Variants in PRPF6 observed in about 807,000 individuals in gnomAD.
The protein encoded by PRPF6 is pre-mRNA processing factor 6.
PRPF6 carries 42 observed loss-of-function variants against 118.3 expected under a neutral mutation model. That is an observed-to-expected ratio of 0.35 (90% CI 0.28 to 0.46). The LOEUF (loss-of-function observed/expected upper bound fraction) is 0.46, where lower values mean the gene tolerates loss of function less well. Ranked by LOEUF, PRPF6 falls within the 20% of genes least tolerant of loss-of-function variation. The pLI is 1.00. For missense variants in PRPF6, 662 were observed against 1,255.7 expected (o/e 0.53, Z 7.15); for synonymous variants, 481 against 485.1 (o/e 0.99, Z 0.11).
chr20:63,986,294 G>A (rs1239598040), intron 3 of PRPF6, among the ~76,000 whole-genome samples: 1 of 144,118 alleles, frequency 6.9e-6, no homozygotes, highest in Non-Finnish European at 1.5e-5. Context: ...GCAGTGAGCC[G>A]AGGTCACAAC....
chr20:63,998,651 C>G (rs1266081951), intron 6 of PRPF6, among the ~76,000 whole-genome samples: 1 of 151,356 alleles, frequency 6.6e-6, no homozygotes, highest in Non-Finnish European at 1.5e-5. Context: ...ACCATCCTGG[C>G]TAACACGGTG....
chr20:64,030,887 G>A (rs2059311194), intron 19 of PRPF6, among the ~76,000 whole-genome samples: 1 of 152,206 alleles, frequency 6.6e-6, no homozygotes, highest in African/African-American at 2.4e-5. Context: ...GAGGCTCCTC[G>A]TGTTGTCTCT....
intron 3 of PRPF6, among the ~76,000 whole-genome samples, chr20:63,986,058 G>A (rs1279444859): frequency 1.3e-5 from 2 of 152,144 alleles, no homozygotes; most frequent in African/African-American, 2.4e-5. Context: ...CATCGGCTGG[G>A]CGCAGTGGAT....
At chr20:64,021,549 T>C in intron 12 of PRPF6, among the ~76,000 whole-genome samples, 1 of 145,278 alleles carries the variant, frequency 6.9e-6, no homozygotes. Flanking sequence ...GCCCCGTGTC[T>C]GTGTGTGTGT....
chr20:64,010,140 A>C (rs888827231), intron 9 of PRPF6, 60 bp from the exon 10 acceptor site: 1 of 1,411,564 alleles, frequency 7.1e-7, no homozygotes, highest in Admixed American at 1.7e-5. Context: ...TGCTCACCAC[A>C]TGAGCCTCCT....
Position 64,022,560 on chromosome 20 carries a change from G to A in PRPF6, c.1648-197G>A, listed in dbSNP as rs781684002. ...TGACTTCAGATGATCCACCCGCCTC[G>A]GCCTCCCAAAGTGCTGAGATTACAG... On this transcript the variant is annotated intron_variant, in intron 12 of 20. Transcript: ENST00000266079. Among the ~76,000 whole-genome samples the A allele has an allele frequency of 2.6e-5, 4 of 152,084 alleles. No individual in the cohort carries two copies. The South Asian group carries it at 6.2e-4, about 24-fold the overall frequency.
intron 9 of PRPF6, 92 bp from the exon 10 acceptor site, chr20:64,010,108 C>A: frequency 9.1e-7 from 1 of 1,093,052 alleles, no homozygotes; most frequent in South Asian, 1.2e-5. Flanking sequence ...CAGGGAAGTC[C>A]GTCTCATCCT....
At chr20:64,007,488 T>C in intron 9 of PRPF6, among the ~76,000 whole-genome samples, 1 of 140,820 alleles carries the variant, frequency 7.1e-6, no homozygotes. Flanking sequence ...TGAGACTGAG[T>C]CTCCCTCTTT....
At chr20:63,993,316 G>T (rs897993776) in intron 3 of PRPF6, 91 bp from the exon 4 acceptor site, 16 of 713,118 alleles carry the variant, frequency 2.2e-5, no homozygotes, top group East Asian at 3.6e-5. Context: ...GTATGGAATT[G>T]TTCTTTTTGG....
chr20:64,027,139 G>A lies in PRPF6; in HGVS notation c.2186G>A (p.Arg729Gln), dbSNP rs764232825. The A allele has an allele frequency of 7.2e-5, 116 of 1,613,542 alleles. No individual in the cohort carries two copies. Among genetic ancestry groups the A allele is most frequent in the Non-Finnish European group, 9.3e-5 (110 of 1,180,016 alleles). Residue 729 changes from arginine (R) to glutamine (Q), a missense_variant, in exon 16 of 21, where the codon CGG (arginine) becomes CAG (glutamine). This residue lies in a region of PRPF6 where 244 missense variants were observed against 383.7 expected (regional missense o/e 0.64). Coordinates refer to ENST00000266079, the MANE Select transcript of PRPF6 (RefSeq NM_012469.4). The surrounding 1 kb of genome is among the most constrained non-coding windows in gnomAD (Gnocchi z 6.5). ...CAGAAGGAGATGATGGAGAAGGCGC[G>A]GGAAGCCTATAACCAGGGGGTACGT... is the stretch of plus-strand genomic sequence containing the variant. Reference protein sequence around the residue: ...EEQKEMMEKAREAYNQGLKKC... With the variant: ...EEQKEMMEKAQEAYNQGLKKC...
At chr20:63,982,298 A>G (rs2059073032) in intron 1 of PRPF6, among the ~76,000 whole-genome samples, 1 of 152,080 alleles carries the variant, frequency 6.6e-6, no homozygotes, top group Non-Finnish European at 1.5e-5. Context: ...CAGCCTCCTG[A>G]GTAGCTGGGA....
At chr20:64,004,436 C>T (rs776057402) in intron 9 of PRPF6, among the ~76,000 whole-genome samples, 4 of 152,220 alleles carry the variant, frequency 2.6e-5, no homozygotes, top group African/African-American at 7.2e-5. Flanking sequence ...TTAGCAAACA[C>T]TTACACGTTG....
At chr20:64,015,345 A>G (rs1057327370) in intron 11 of PRPF6, among the ~76,000 whole-genome samples, 11 of 152,294 alleles carry the variant, frequency 7.2e-5, no homozygotes, top group African/African-American at 2.6e-4. Context: ...TGCCCCACGC[A>G]TTCTTCTCAC....
At chr20:64,009,398 C>T (rs568932507) in intron 9 of PRPF6, among the ~76,000 whole-genome samples, 7 of 151,838 alleles carry the variant, frequency 4.6e-5, no homozygotes, top group African/African-American at 1.7e-4. Context: ...CAAGTGCATG[C>T]ACCCCTGTAA....
At chr20:64,022,612 T>C in intron 12 of PRPF6, 145 bp from the exon 13 acceptor site, 1 of 1,283,956 alleles carries the variant, frequency 7.8e-7, no homozygotes, top group East Asian at 2.5e-5. Context: ...CTGGCCTGGA[T>C]TGTGGTTCTA....
At chr20:63,997,638 G>A (rs2059146882) in intron 6 of PRPF6, among the ~76,000 whole-genome samples, 1 of 151,980 alleles carries the variant, frequency 6.6e-6, no homozygotes, top group Non-Finnish European at 1.5e-5. Flanking sequence ...TGTATTTTTA[G>A]TAGAGACGGG....
intron 11 of PRPF6, among the ~76,000 whole-genome samples, chr20:64,013,548 A>G (rs887796915): frequency 1.3e-5 from 2 of 151,954 alleles, no homozygotes; most frequent in Non-Finnish European, 2.9e-5. Flanking sequence ...GGCTCAAGCA[A>G]TCCTCCCGCC....
chr20:64,010,045 C>A (rs934604644), intron 9 of PRPF6, among the ~76,000 whole-genome samples, 155 bp from the exon 10 acceptor site: 1 of 152,188 alleles, frequency 6.6e-6, no homozygotes, highest in Non-Finnish European at 1.5e-5. Flanking sequence ...GTGTCTGCCC[C>A]AGACCTGAAG....
At chr20:64,002,968 A>C (rs2059174600) in intron 9 of PRPF6, among the ~76,000 whole-genome samples, 1 of 135,838 alleles carries the variant, frequency 7.4e-6, no homozygotes, top group African/African-American at 2.8e-5. Context: ...TTTTTGAGAC[A>C]GCGTCTTGCT....
Sources: allele counts gnomAD v4.1 joint callset (sites outside exome capture counted in the v4.1 genomes callset), GRCh38; gene constraint gnomAD v4.1.1; regional missense constraint gnomAD v4.1.1; non-coding constraint Gnocchi (gnomAD v3.1); transcripts MANE v1.5; gene names NCBI Gene and HGNC (gene_info 2026-07-23, HGNC 2026-07-21).